The following LRP2 variants were observed in gnomAD, a reference collection of about 807,000 sequenced individuals.
LRP2 encodes the protein LDL receptor related protein 2.
A neutral mutation model predicts 531.0 loss-of-function variants in LRP2; 172 were observed. The ratio of observed to expected loss-of-function variants is 0.32; its 90% CI spans 0.29 to 0.37. LRP2 has a LOEUF of 0.37. LRP2 is among the 10% of genes least tolerant of loss of function. The probability of loss-of-function intolerance (pLI) is 1.00; values close to 1 mark genes in which losing one functional copy is unlikely to be tolerated. For synonymous variants in LRP2, 1,992 were observed against 2,027.6 expected, an observed-to-expected ratio of 0.98 and a Z score of 0.47; for missense variants, 5,167 against 5,868.3, an observed-to-expected ratio of 0.88 and a Z score of 3.90.
chr2:169,294,632 T>C lies in LRP2; in HGVS notation c.506A>G (p.Asp169Gly). 2 of 1,603,906 alleles carry C rather than the reference T, an allele frequency of 1.2e-6. No homozygotes were observed. The highest frequency in any genetic ancestry group is 1.7e-6 in the Non-Finnish European group (2 of 1,177,418). ...NTSQKCDWKV[D>G]CRDSSDEINC... ...GATTTCATCTGAGGAGTCCCTGCAA[T>C]CAACTTTCCAATCACACTTCTGACT... The change falls in exon 5 of 79, where the codon GAT becomes GGT. Residue 169 changes from aspartate to glycine, a missense_variant. Asp to Gly is a moderately conservative substitution (Grantham distance 94). This residue lies in a region of LRP2 where 2,811 missense variants were observed against 3,058.0 expected (regional missense o/e 0.92). Coordinates refer to ENST00000649046, the MANE Select transcript of LRP2 (RefSeq NM_004525.3).
At chr2:169,193,488 T>TG (rs1687901256) in intron 47 of LRP2, among the ~76,000 whole-genome samples, 2 of 150,026 alleles carry the variant, frequency 1.3e-5, no homozygotes, top group Non-Finnish European at 3.0e-5. Flanking sequence ...CAAGTATTTG[T>TG]GGGTTTTTTT....
At chr2:169,150,430 A>C (rs755631) in intron 68 of LRP2, among the ~76,000 whole-genome samples, 73,781 of 152,008 alleles carry the variant, frequency 0.49, 18,465 homozygotes, top group Admixed American at 0.61. Flanking sequence ...TGGAATATTT[A>C]TACAAATGGA....
chr2:169,211,098 G>T (rs529106776), intron 37 of LRP2, among the ~76,000 whole-genome samples: 2 of 152,264 alleles, frequency 1.3e-5, no homozygotes, highest in South Asian at 4.1e-4. Flanking sequence ...TTTAGATATG[G>T]AAAAACAAAG....
chr2:169,166,140 G>A, intron 61 of LRP2, 86 bp from the exon 62 acceptor site: 4 of 1,438,264 alleles, frequency 2.8e-6, no homozygotes, highest in Non-Finnish European at 3.9e-6. Context: ...GTCAGCACCA[G>A]GCTTGCTTCA....
intron 1 of LRP2, among the ~76,000 whole-genome samples, chr2:169,336,459 G>A (rs1685406139): frequency 6.6e-6 from 1 of 151,974 alleles, no homozygotes; most frequent in African/African-American, 2.4e-5. Flanking sequence ...AGAATCACTT[G>A]AAACCAGGAG....
In LRP2 at chr2:169,185,543, G is replaced by A; in HGVS notation, c.9805C>T (p.Leu3269=). ...ACAGCCAGACTTTCTGCAGCTGGTAGTCTGTGGTTTATGATTGTCTCCTTG... is the reference window on the plus strand; with the variant it reads ...ACAGCCAGACTTTCTGCAGCTGGTAATCTGTGGTTTATGATTGTCTCCTTG... ...TNKETIINHR[L]PAAESLAVDW... is the part of the protein sequence containing the mutation. Residue 3269 remains leucine (L), a synonymous_variant, in exon 50 of 79, where the codon CTA becomes TTA. Transcript: ENST00000649046. 1 of 1,613,796 alleles carries A rather than the reference G, an allele frequency of 6.2e-7. No individual in the cohort carries two copies. Among genetic ancestry groups the A allele is most frequent in the Non-Finnish European group, 8.5e-7 (1 of 1,180,012 alleles).
chr2:169,150,813 G>C (rs1294515040), intron 68 of LRP2, 85 bp downstream of exon 68: 6 of 1,571,688 alleles, frequency 3.8e-6, no homozygotes, highest in South Asian at 1.1e-5. Flanking sequence ...AGTTAAACTA[G>C]GAAAAAAAAA....
At chr2:169,149,018 A>C (rs1296388470) in intron 68 of LRP2, among the ~76,000 whole-genome samples, 1 of 152,186 alleles carries the variant, frequency 6.6e-6, no homozygotes, top group Non-Finnish European at 1.5e-5. Flanking sequence ...AAGGTAGGAG[A>C]ACTATCACAG....
Position 169,191,839 on chromosome 2 carries a change from T to C in LRP2, c.9025A>G (p.Ile3009Val), listed in dbSNP as rs1423860636. The C allele has an allele frequency of 1.9e-6, 3 of 1,613,872 alleles. No homozygotes were observed. The highest frequency in any genetic ancestry group is 1.3e-5 in the African/African-American group (1 of 74,886). The change falls in exon 48 of 79, where the codon ATA becomes GTA. Residue 3009 changes from isoleucine (I) to valine (V), a missense_variant. By Grantham distance (29) the Ile-to-Val change is conservative (BLOSUM62 3). Transcript: ENST00000649046. ...TCTGAATCCTCAATTCACCTGAATA[T>C]CTTTGGGATACACAGTCCGTAACCA... Reference protein sequence around the residue: ...TCGYGLCIPKIFRCDRHNDCG... With the variant: ...TCGYGLCIPKVFRCDRHNDCG...
chr2:169,311,485 T>C (rs1038700138), intron 3 of LRP2, among the ~76,000 whole-genome samples: 1 of 152,250 alleles, frequency 6.6e-6, no homozygotes, highest in Admixed American at 6.5e-5. Flanking sequence ...AGCAGGTTGT[T>C]CAGTTTCCAT....
In LRP2 at chr2:169,233,434, A is replaced by G. The variant is rs1273127784; in HGVS notation, c.5075T>C (p.Val1692Ala). 1 of 1,614,180 alleles carries G rather than the reference A, an allele frequency of 6.2e-7. No individual in the cohort carries two copies. Among genetic ancestry groups the G allele is most frequent in the East Asian group, 2.2e-5 (1 of 44,874 alleles). The change falls in exon 30 of 79, where the codon GTT (valine) becomes GCT (alanine). Residue 1692 changes from valine (V) to alanine (A), a missense_variant. By Grantham distance (64) the Val-to-Ala change is moderately conservative. This residue lies in a region of LRP2 where 2,811 missense variants were observed against 3,058.0 expected (regional missense o/e 0.92). Transcript: ENST00000649046. ...ACAATTTGGTTGTTTCGAAGGATGA[A>G]CCGCAACAATCCCAAGGGGCCATTG... The part of the protein sequence containing the change: ...NIQWPLGIVA[V>A]HPSKQPNSVN...
chr2:169,142,254 A>G (rs753485411), intron 71 of LRP2, among the ~76,000 whole-genome samples: 6 of 152,234 alleles, frequency 3.9e-5, no homozygotes, highest in Non-Finnish European at 8.8e-5. Flanking sequence ...GATAATATAA[A>G]GCACTTTTCA....
chr2:169,317,978 T>C (rs1445565847), intron 3 of LRP2, among the ~76,000 whole-genome samples: 1 of 151,888 alleles, frequency 6.6e-6, no homozygotes, highest in Non-Finnish European at 1.5e-5. Flanking sequence ...TCAGGAGGCT[T>C]AAGCAGGAGG....
chr2:169,128,294 T>A lies in LRP2; in HGVS notation c.*369A>T, dbSNP rs1685165535. On this transcript the variant is annotated 3_prime_UTR_variant, in exon 79 of 79. Transcript: ENST00000649046. Reference sequence around the variant, plus strand: ...CCTCTTCTTTAGACACGGCTAAAGGTCCCCAGTCAATTCCTTTTCTTGTTG... The same window carrying A: ...CCTCTTCTTTAGACACGGCTAAAGGACCCCAGTCAATTCCTTTTCTTGTTG... 2 of 202,158 alleles carry A rather than the reference T, an allele frequency of 9.9e-6. No homozygotes were observed. Among genetic ancestry groups the A allele is most frequent in the Non-Finnish European group, 2.0e-5 (2 of 98,906 alleles). 12.5% of individuals were successfully genotyped at this position (202,158 alleles called of 1,614,324 possible). A position where few individuals can be genotyped will look rare whatever the true frequency, so the allele number is the denominator to read the frequency against.
intron 61 of LRP2, among the ~76,000 whole-genome samples, chr2:169,168,089 T>C (rs935442837): frequency 7.2e-5 from 10 of 138,786 alleles, no homozygotes; most frequent in Non-Finnish European, 3.1e-5. Context: ...TGAATTACCA[T>C]GTTAAAAGGA....
chr2:169,192,020 G>A lies in LRP2; in HGVS notation c.8844C>T (p.Cys2948=). 2 of 1,612,378 alleles carry A rather than the reference G, an allele frequency of 1.2e-6. No individual in the cohort carries two copies. The highest frequency in any genetic ancestry group is 1.7e-6 in the Non-Finnish European group (2 of 1,178,496). Residue 2948 remains cysteine, a synonymous_variant, in exon 48 of 79, where the codon TGC becomes TGT. Transcript: ENST00000649046. ...TTACACAGAGAAACTCGGAATCCGAGCAGTTTTGATTCTCTGAAACCAAAG... is the reference window on the plus strand; with the variant it reads ...TTACACAGAGAAACTCGGAATCCGAACAGTTTTGATTCTCTGAAACCAAAG... ...DKRHQCQNQN[C]SDSEFLCVND...
At chr2:169,214,740 C>T (rs1559021248) in intron 35 of LRP2, among the ~76,000 whole-genome samples, 1 of 152,154 alleles carries the variant, frequency 6.6e-6, no homozygotes, top group East Asian at 1.9e-4. Context: ...CTCCTCAGGG[C>T]AAGGCTCCAA....
At chr2:169,142,385 A>G (rs1312457273) in intron 71 of LRP2, among the ~76,000 whole-genome samples, 3 of 152,144 alleles carry the variant, frequency 2.0e-5, no homozygotes, top group Non-Finnish European at 2.9e-5. Flanking sequence ...GTCTTATAAA[A>G]ACTCACTCTT....
rs1559092856 is a variant in LRP2, at chr2:169,361,377, C to CTCTCTCTCTCT, written c.79+943_79+944insAGAGAGAGAGA. Among the ~76,000 whole-genome samples, 47 of 52,282 alleles carry CTCTCTCTCTCT rather than the reference C, an allele frequency of 9.0e-4. 2 individuals are homozygous for CTCTCTCTCTCT. The highest frequency in any genetic ancestry group is 1.2e-3 in the East Asian group (2 of 1,688). The allele number at this position is 52,282 out of a possible 152,430, so 34.3% of individuals were successfully genotyped here. A position where few individuals can be genotyped will look rare whatever the true frequency, so the allele number is the denominator to read the frequency against. ...CTCTCTCTCTCTCTCTCTCTCTCTCCCTCTCTCTCTCTCTCTCTGTCTCTC... is the reference window on the plus strand; with the variant it reads ...CTCTCTCTCTCTCTCTCTCTCTCTCCTCTCTCTCTCTCTCTCTCTCTCTCTCTCTGTCTCTC... On this transcript the variant is annotated intron_variant, in intron 1 of 78. Coordinates refer to ENST00000649046, the MANE Select transcript of LRP2 (RefSeq NM_004525.3).
Sources: allele counts gnomAD v4.1 joint callset (sites outside exome capture counted in the v4.1 genomes callset), GRCh38; gene constraint gnomAD v4.1.1; regional missense constraint gnomAD v4.1.1; transcripts MANE v1.5; gene names NCBI Gene and HGNC (gene_info 2026-07-23, HGNC 2026-07-21).